Variants in AJAP1 observed in about 807,000 individuals in gnomAD.
AJAP1 encodes the protein adherens junction-associated protein 1.
Under a neutral mutation model 35.0 loss-of-function variants are expected in AJAP1, and 5 were observed. That is an observed-to-expected ratio of 0.14 (90% CI 0.07 to 0.30). The LOEUF is 0.30. Ranked by LOEUF, AJAP1 falls within the 10% of genes least tolerant of loss-of-function variation. The pLI is 1.00. For missense variants in AJAP1, 586 were observed against 571.0 expected, an observed-to-expected ratio of 1.03 and a Z score of -0.27; for synonymous variants, 284 against 249.3, an observed-to-expected ratio of 1.14 and a Z score of -1.31.
At chr1:4,737,498 A>AGCCCCCCCGAGACGGG (rs1640956321) in intron 2 of AJAP1, among the ~76,000 whole-genome samples, 1 of 151,440 alleles carries the variant, frequency 6.6e-6, no homozygotes, top group Non-Finnish European at 1.5e-5. Flanking sequence ...CCCGAGACGG[A>AGCCCCCCCGAGACGGG]AGCCCCCCGA....
chr1:4,782,497 C>T lies in AJAP1; in HGVS notation c.*60-48C>T. 2.9e-6 allele frequency: 1 copy of T among 339,104 alleles called. No individual in the cohort carries two copies. Among genetic ancestry groups the T allele is most frequent in the Non-Finnish European group, 5.3e-6 (1 of 188,890 alleles). The allele number at this position is 339,104 out of a possible 1,614,324, so 21.0% of individuals were successfully genotyped here. ...CCGAGAACCCCACAGACTTGTCGCGCCCTCGGCGTGCTGCCATTTAATCTC... is the reference window on the plus strand; with the variant it reads ...CCGAGAACCCCACAGACTTGTCGCGTCCTCGGCGTGCTGCCATTTAATCTC... On this transcript the variant is annotated intron_variant, in intron 5 of 5. Coordinates refer to ENST00000378191, the MANE Select transcript of AJAP1 (RefSeq NM_018836.4). The surrounding 1 kb of genome is among the most constrained non-coding windows in gnomAD (Gnocchi z 5.3).
intron 2 of AJAP1, among the ~76,000 whole-genome samples, chr1:4,761,623 G>A (rs961568511): frequency 2.8e-4 from 43 of 152,188 alleles, no homozygotes; most frequent in African/African-American, 9.7e-4. Context: ...ATATATAAGG[G>A]GAGTTTATTA....
intron 2 of AJAP1, among the ~76,000 whole-genome samples, chr1:4,747,858 C>T (rs915905763): frequency 1.3e-5 from 2 of 152,034 alleles, no homozygotes; most frequent in African/African-American, 4.8e-5. Context: ...CGTGGTGGCA[C>T]ACACCTGTAA....
intron 1 of AJAP1, among the ~76,000 whole-genome samples, chr1:4,659,792 A>C (rs1362092803): frequency 6.6e-6 from 1 of 152,190 alleles, no homozygotes; most frequent in Non-Finnish European, 1.5e-5. Flanking sequence ...GGACTAGCTA[A>C]AACAGGGACA....
intron 1 of AJAP1, among the ~76,000 whole-genome samples, chr1:4,665,441 C>A (rs1366467176): frequency 2.0e-5 from 3 of 152,278 alleles, no homozygotes; most frequent in Admixed American, 2.0e-4. Context: ...ACACTCACAG[C>A]TCCAGGTTCC....
At chr1:4,678,241 A>G (rs1639403105) in intron 1 of AJAP1, among the ~76,000 whole-genome samples, 1 of 152,242 alleles carries the variant, frequency 6.6e-6, no homozygotes, top group African/African-American at 2.4e-5. Context: ...GGTAGAAATG[A>G]GCACTTGAAA....
chr1:4,712,543 A>G lies in AJAP1; in HGVS notation c.673A>G (p.Thr225Ala). 6.2e-7 allele frequency: 1 copy of G among 1,612,040 alleles called. No individual in the cohort carries two copies. The highest frequency in any genetic ancestry group is 8.5e-7 in the Non-Finnish European group (1 of 1,179,312). The stretch of plus-strand genomic sequence containing the variant: ...GGCCGCCACCACCACCACCACCACC[A>G]CGGCCACCCCCATGACGCTGCAGAC... Reference protein sequence around the residue: ...TVAATTTTTTTATPMTLQTKG... With the variant: ...TVAATTTTTTAATPMTLQTKG... The change falls in exon 2 of 6, where the codon ACG becomes GCG. Residue 225 changes from threonine (T) to alanine (A), a missense_variant. Thr to Ala is a moderately conservative substitution (Grantham distance 58, BLOSUM62 0). Transcript: ENST00000378191.
chr1:4,764,011 G>A (rs1237593557), intron 2 of AJAP1, among the ~76,000 whole-genome samples: 5 of 152,014 alleles, frequency 3.3e-5, no homozygotes, highest in Non-Finnish European at 2.9e-5. Flanking sequence ...AACCCCCTGT[G>A]GTGTAGATGG....
At chr1:4,761,157 C>T (rs1340015832) in intron 2 of AJAP1, among the ~76,000 whole-genome samples, 1 of 152,232 alleles carries the variant, frequency 6.6e-6, no homozygotes, top group Non-Finnish European at 1.5e-5. Flanking sequence ...CCCAAGCTCT[C>T]TACCCACCTC....
chr1:4,729,771 G>C (rs1249347405), intron 2 of AJAP1, among the ~76,000 whole-genome samples: 1 of 152,172 alleles, frequency 6.6e-6, no homozygotes, highest in Non-Finnish European at 1.5e-5. Flanking sequence ...TGGAGGTTAG[G>C]ACTTCAGCAT....
At chr1:4,740,017 T>G (rs1008312104) in intron 2 of AJAP1, among the ~76,000 whole-genome samples, 4 of 152,004 alleles carry the variant, frequency 2.6e-5, no homozygotes, top group Non-Finnish European at 5.9e-5. Context: ...CCTGACGGGG[T>G]GTATCTAAAA....
Position 4,692,189 on chromosome 1 carries a change from T to G in AJAP1, c.30-19711T>G, listed in dbSNP as rs1639755533. ...GCCCCGCTTAATAGGTGAGGAAACT[T>G]AGGCACAGAGGCACTCACTGTGCCA... is the stretch of plus-strand genomic sequence containing the variant. On this transcript the variant is annotated intron_variant, in intron 1 of 5. Coordinates refer to ENST00000378191, the MANE Select transcript of AJAP1 (RefSeq NM_018836.4). The surrounding 1 kb of genome is among the most constrained non-coding windows in gnomAD (Gnocchi z 4.4). 6.6e-6 allele frequency among the ~76,000 whole-genome samples: 1 copy of G among 152,126 alleles called. No individual in the cohort carries two copies. Among genetic ancestry groups the G allele is most frequent in the Non-Finnish European group, 1.5e-5 (1 of 68,022 alleles).
intron 1 of AJAP1, among the ~76,000 whole-genome samples, chr1:4,666,574 AGG>A (rs1639125215): frequency 1.1e-5 from 1 of 93,286 alleles, no homozygotes. Context: ...GAATCACGGG[AGG>A]GGTGCGGAGA....
chr1:4,676,564 TGAGA>T (rs1231972716), intron 1 of AJAP1, among the ~76,000 whole-genome samples: 1 of 152,094 alleles, frequency 6.6e-6, no homozygotes, highest in Non-Finnish European at 1.5e-5. Flanking sequence ...CATGTGAGAC[TGAGA>T]GAGAGGGGCC....
chr1:4,790,737 T>C lies in AJAP1; in HGVS notation c.*8252T>C, dbSNP rs940976206. ...CCCAGCCTGAGGTGACACACAGAGG[T>C]TCAGCAGACGTCTCAGGATCTGTCA... is the stretch of plus-strand genomic sequence containing the variant. On this transcript the variant is annotated 3_prime_UTR_variant, in exon 6 of 6. Coordinates refer to ENST00000378191, the MANE Select transcript of AJAP1 (RefSeq NM_018836.4). 2.6e-5 allele frequency: 4 copies of C among 152,112 alleles called. No homozygotes were observed. Among genetic ancestry groups the C allele is most frequent in the African/African-American group, 7.2e-5 (3 of 41,416 alleles). The allele number at this position is 152,112 out of a possible 1,614,324, so 9.4% of individuals were successfully genotyped here.
At chr1:4,678,190 G>A (rs1639402291) in intron 1 of AJAP1, among the ~76,000 whole-genome samples, 1 of 152,204 alleles carries the variant, frequency 6.6e-6, no homozygotes, top group African/African-American at 2.4e-5. Context: ...GGGTGCAGTT[G>A]AAGAAGAACA....
intron 2 of AJAP1, among the ~76,000 whole-genome samples, chr1:4,715,152 C>T (rs78641051): frequency 2.0e-5 from 3 of 152,192 alleles, no homozygotes; most frequent in African/African-American, 7.2e-5. Flanking sequence ...TGCAGACCTG[C>T]GCCCCCAACA....
In AJAP1 at chr1:4,720,219, A is replaced by G. The variant is rs1640486767; in HGVS notation, c.829+7520A>G. ...TAATGGACCCATGTGCCACGTGGTT[A>G]GACATGAAGACAGGCTTCGGGTCCC... On this transcript the variant is annotated intron_variant, in intron 2 of 5. Transcript: ENST00000378191. This position sits in a 1 kb window ranked among gnomAD's most constrained non-coding sequence, Gnocchi z 4.4. Among the ~76,000 whole-genome samples the G allele has an allele frequency of 6.6e-6, 1 of 152,208 alleles. No individual in the cohort carries two copies. Among genetic ancestry groups the G allele is most frequent in the South Asian group, 2.1e-4 (1 of 4,832 alleles).
Position 4,788,879 on chromosome 1 carries a change from A to C in AJAP1, c.*6394A>C, listed in dbSNP as rs1159263175. ...CCACAAGTCCACACTCCACACCTGT[A>C]AACGCACAGCCCATGCCCCATTGTA... On this transcript the variant is annotated 3_prime_UTR_variant, in exon 6 of 6. Transcript: ENST00000378191. The C allele has an allele frequency of 6.6e-6, 1 of 152,306 alleles. No individual in the cohort carries two copies. The highest frequency in any genetic ancestry group is 1.5e-5 in the Non-Finnish European group (1 of 68,084). 9.4% of individuals were successfully genotyped at this position (152,306 alleles called of 1,614,324 possible).
Sources: gnomAD v4.1 joint callset for allele counts (sites outside exome capture counted in the v4.1 genomes callset) on GRCh38, gnomAD v4.1.1 for gene constraint, Gnocchi (gnomAD v3.1) non-coding constraint, MANE v1.5 for transcripts, NCBI Gene and HGNC (gene_info 2026-07-23, HGNC 2026-07-21) for gene names.